ZMIZ1: variants seen among roughly 807,000 people sequenced by gnomAD.
The protein encoded by ZMIZ1 is zinc finger MIZ domain-containing protein 1.
ZMIZ1 carries 17 observed loss-of-function variants against 113.9 expected under a neutral mutation model. That is an observed-to-expected ratio of 0.15 (90% CI 0.10 to 0.22). The LOEUF (loss-of-function observed/expected upper bound fraction) is 0.22, where lower values mean the gene tolerates loss of function less well. Ranked by LOEUF, ZMIZ1 falls within the 10% of genes least tolerant of loss-of-function variation. The probability of loss-of-function intolerance (pLI) is 1.00; values close to 1 mark genes in which losing one functional copy is unlikely to be tolerated. For synonymous variants in ZMIZ1, 607 were observed against 603.1 expected (o/e 1.01, Z -0.09); for missense variants, 1,059 against 1,477.8 (o/e 0.72, Z 4.65).
intron 1 of ZMIZ1, among the ~76,000 whole-genome samples, chr10:79,089,320 G>A (rs927665469): frequency 6.6e-6 from 1 of 152,254 alleles, no homozygotes; most frequent in South Asian, 2.1e-4. Context: ...CTTGGCTCTT[G>A]TGCAAACACA....
At chr10:79,117,067 GTGCTGGCTGT>G (rs1262150156) in intron 1 of ZMIZ1, among the ~76,000 whole-genome samples, 1 of 152,280 alleles carries the variant, frequency 6.6e-6, no homozygotes, top group Non-Finnish European at 1.5e-5. Context: ...CGGGCAGTGG[GTGCTGGCTGT>G]TGCCAGGGGA....
At chr10:79,218,379 G>T (rs1001926137) in intron 7 of ZMIZ1, among the ~76,000 whole-genome samples, 7 of 152,158 alleles carry the variant, frequency 4.6e-5, no homozygotes, top group African/African-American at 1.4e-4. Flanking sequence ...GGAGGCTGGG[G>T]TGGGAGGATC....
chr10:79,293,432 CG>C lies in ZMIZ1; in HGVS notation c.1014del (p.Pro339LeufsTer8). ...CCAATTCATGAACCAGCCCGGGCCG[CG>C]GGGGCCTGCCTCCATGGGGGGCAGC... ...NSQFMNQPGPRGPASMGGSMN... is the reference protein window; with the variant it reads ...NSQFMNQPGPXGPASMGGSMN... On this transcript the variant is annotated frameshift_variant, in exon 12 of 25. Coordinates refer to ENST00000334512, the MANE Select transcript of ZMIZ1 (RefSeq NM_020338.4). LOFTEE classifies it high-confidence loss of function. 1 of 1,527,628 alleles carries C rather than the reference CG, an allele frequency of 6.5e-7. No individual in the cohort carries two copies. The highest frequency in any genetic ancestry group is 2.3e-5 in the East Asian group (1 of 44,106). The allele number at this position is 1,527,628 out of a possible 1,614,324, so 94.6% of individuals were successfully genotyped here.
intron 4 of ZMIZ1, among the ~76,000 whole-genome samples, chr10:79,179,377 G>C (rs12098743): frequency 0.022 from 3,347 of 152,346 alleles, 120 homozygotes; most frequent in African/African-American, 0.076. Flanking sequence ...GGTGAACTCA[G>C]TTCTACTAGA....
At position 79,311,830 on chromosome 10, in the gene ZMIZ1, C is replaced by T. The variant is rs372701283; in HGVS notation, c.3096+646C>T. Among the ~76,000 whole-genome samples the T allele has an allele frequency of 3.0e-3, 452 of 152,050 alleles. 2 individuals are homozygous for T. The highest frequency in any genetic ancestry group is 0.014 in the Middle Eastern group (4 of 294). On this transcript the variant is annotated intron_variant, in intron 24 of 24. Coordinates refer to ENST00000334512, the MANE Select transcript of ZMIZ1 (RefSeq NM_020338.4). ...GGGCTGGGCTGCTGGATGGGGCTGG[C>T]GGGATGGGACTGAGCACCGGCCCCG...
Position 79,298,380 on chromosome 10 carries a change from C to T in ZMIZ1, c.1492-26C>T, listed in dbSNP as rs368429261. On this transcript the variant is annotated intron_variant, in intron 14 of 24. Coordinates refer to ENST00000334512, the MANE Select transcript of ZMIZ1 (RefSeq NM_020338.4). The stretch of plus-strand genomic sequence containing the variant: ...CTTCTGTCTCCGTAATCCCATAACT[C>T]GTGCGTGTCTTTTCTTTCCCTCCAG... 42 of 1,602,326 alleles carry T rather than the reference C, an allele frequency of 2.6e-5. 1 individual carries two copies. In the African/African-American group the frequency reaches 3.1e-4, roughly 12 times the overall value.
intron 7 of ZMIZ1, among the ~76,000 whole-genome samples, chr10:79,237,872 G>C (rs1324235028): frequency 6.6e-6 from 1 of 152,204 alleles, no homozygotes; most frequent in East Asian, 1.9e-4. Context: ...GGAGGAGGTC[G>C]AGGCTCTGAA....
intron 1 of ZMIZ1, among the ~76,000 whole-genome samples, chr10:79,077,441 G>A (rs1213300473): frequency 6.6e-6 from 1 of 151,520 alleles, no homozygotes; most frequent in Non-Finnish European, 1.5e-5. Flanking sequence ...ATTGGCTGGG[G>A]GTCATACAGT....
intron 11 of ZMIZ1, 96 bp from the exon 12 acceptor site, chr10:79,293,285 C>T (rs1441329451): frequency 4.8e-6 from 7 of 1,468,912 alleles, no homozygotes; most frequent in Non-Finnish European, 5.5e-6. Context: ...CCCACTCCTC[C>T]ACCTCCCCAA....
chr10:79,175,249 C>T (rs1360080504), intron 4 of ZMIZ1, among the ~76,000 whole-genome samples: 2 of 152,208 alleles, frequency 1.3e-5, no homozygotes, highest in Non-Finnish European at 2.9e-5. Flanking sequence ...GCAGCTGCCC[C>T]GAGGTGTCCT....
At chr10:79,211,576 C>T (rs1291111328) in intron 6 of ZMIZ1, among the ~76,000 whole-genome samples, 1 of 152,214 alleles carries the variant, frequency 6.6e-6, no homozygotes, top group Non-Finnish European at 1.5e-5. Flanking sequence ...AATCACTTAG[C>T]CCCGAGCAGC....
intron 1 of ZMIZ1, among the ~76,000 whole-genome samples, chr10:79,089,249 C>T (rs1360698439): frequency 1.3e-5 from 2 of 152,268 alleles, no homozygotes; most frequent in Non-Finnish European, 2.9e-5. Flanking sequence ...CTCCGCATGT[C>T]AGATCCTTCT....
At chr10:79,156,273 C>T (rs969823844) in intron 3 of ZMIZ1, among the ~76,000 whole-genome samples, 2 of 152,178 alleles carry the variant, frequency 1.3e-5, no homozygotes, top group Non-Finnish European at 2.9e-5. Flanking sequence ...GACCCCCCCG[C>T]TGCTCTTCCC....
rs140458010 is a variant in ZMIZ1 at position 79,258,305 on chromosome 10, G to T, written c.281-18876G>T. ...AAGCTGAGACAGTGGGATAGCTTGA[G>T]CCCAGGAGGTCGAGGCTGCAGTGAA... On this transcript the variant is annotated intron_variant, in intron 7 of 24. Transcript: ENST00000334512. Among the ~76,000 whole-genome samples, 540 of 152,298 alleles carry T rather than the reference G, an allele frequency of 3.5e-3. 2 individuals carry two copies. The highest frequency in any genetic ancestry group is 0.013 in the African/African-American group (520 of 41,562).
chr10:79,311,345 T>TA (rs1309208015), intron 24 of ZMIZ1, among the ~76,000 whole-genome samples, 161 bp downstream of exon 24: 5 of 152,122 alleles, frequency 3.3e-5, no homozygotes, highest in Admixed American at 3.3e-4. Flanking sequence ...GGAAGCCCCA[T>TA]GATGGGGAAG....
intron 23 of ZMIZ1, among the ~76,000 whole-genome samples, chr10:79,310,392 C>T (rs1325385538): frequency 2.6e-5 from 4 of 152,230 alleles, no homozygotes; most frequent in Admixed American, 6.5e-5. Flanking sequence ...AAGGCGCCTT[C>T]GTACCCAGCA....
At chr10:79,275,021 T>C (rs553717678) in intron 7 of ZMIZ1, among the ~76,000 whole-genome samples, 1 of 152,358 alleles carries the variant, frequency 6.6e-6, no homozygotes, top group Non-Finnish European at 1.5e-5. Context: ...AGTGGAGTGA[T>C]CCCTCCGTCA....
intron 4 of ZMIZ1, among the ~76,000 whole-genome samples, chr10:79,175,476 C>T (rs993627708): frequency 6.7e-6 from 1 of 150,072 alleles, no homozygotes; most frequent in African/African-American, 2.4e-5. Context: ...TGTACCACCC[C>T]AGAGGGCACC....
chr10:79,228,691 C>A (rs146939436), intron 7 of ZMIZ1, among the ~76,000 whole-genome samples: 1 of 152,346 alleles, frequency 6.6e-6, no homozygotes, highest in African/African-American at 2.4e-5. Context: ...GGCCCCTAGC[C>A]CCTCCTTGCC....
Sources: gnomAD v4.1 joint callset for allele counts (sites outside exome capture counted in the v4.1 genomes callset) on GRCh38, gnomAD v4.1.1 for gene constraint, MANE v1.5 for transcripts, NCBI Gene and HGNC (gene_info 2026-07-23, HGNC 2026-07-21) for gene names.